TOX: variants seen among roughly 807,000 people sequenced by gnomAD.
TOX encodes thymocyte selection associated high mobility group box.
In TOX, 11 loss-of-function variants were observed where a neutral mutation model predicts 53.7. The observed-to-expected ratio is 0.20, with a 90% CI of 0.13 to 0.34. The LOEUF (loss-of-function observed/expected upper bound fraction) is 0.34. Ranked by LOEUF, TOX falls within the 10% of genes least tolerant of loss-of-function variation. The pLI, the probability that TOX is intolerant of heterozygous loss-of-function variation, is 1.00. For synonymous variants in TOX, 225 were observed against 245.3 expected, an observed-to-expected ratio of 0.92 and a Z score of 0.77; for missense variants, 570 against 664.6, an observed-to-expected ratio of 0.86 and a Z score of 1.56.
chr8:58,846,253 C>T, intron 4 of TOX, among the ~76,000 whole-genome samples: 1 of 151,914 alleles, frequency 6.6e-6, no homozygotes, highest in East Asian at 1.9e-4. Context: ...AAGGGTCATA[C>T]ATTAGTTTAA....
chr8:58,964,894 C>T (rs1202559415), intron 1 of TOX, among the ~76,000 whole-genome samples: 2 of 148,850 alleles, frequency 1.3e-5, no homozygotes, highest in African/African-American at 2.5e-5. Flanking sequence ...TGTGTGTGCA[C>T]CCTACAGACC....
chr8:58,939,781 A>G (rs1276298906), intron 2 of TOX, among the ~76,000 whole-genome samples: 2 of 152,246 alleles, frequency 1.3e-5, no homozygotes, highest in Non-Finnish European at 2.9e-5. Flanking sequence ...TTATTTTTCC[A>G]AAAAGCTGAA....
intron 1 of TOX, among the ~76,000 whole-genome samples, chr8:59,009,808 G>C (rs17301580): frequency 0.052 from 7,888 of 152,192 alleles, 265 homozygotes; most frequent in South Asian, 0.1. Context: ...TAAAAAGTTA[G>C]CAACTCCTAG....
At chr8:59,051,975 T>G (rs1803798471) in intron 1 of TOX, among the ~76,000 whole-genome samples, 1 of 152,222 alleles carries the variant, frequency 6.6e-6, no homozygotes. Flanking sequence ...TTTGACTCTC[T>G]ACTTTGTCTT....
chr8:58,995,669 A>G (rs1813547769), intron 1 of TOX, among the ~76,000 whole-genome samples: 1 of 152,244 alleles, frequency 6.6e-6, no homozygotes. Context: ...GGAAAAATAA[A>G]TGTGTTTATT....
chr8:58,926,591 T>C (rs1286164887), intron 3 of TOX, among the ~76,000 whole-genome samples: 2 of 152,180 alleles, frequency 1.3e-5, no homozygotes, highest in Non-Finnish European at 2.9e-5. Flanking sequence ...AGGTAAACAT[T>C]TCTAGCTAAT....
At chr8:58,828,947 T>G (rs1810408203) in intron 5 of TOX, among the ~76,000 whole-genome samples, 1 of 152,188 alleles carries the variant, frequency 6.6e-6, no homozygotes, top group Non-Finnish European at 1.5e-5. Context: ...CCTAAGCATT[T>G]CTATCATGCT....
chr8:58,914,542 C>A (rs768878615), intron 3 of TOX, among the ~76,000 whole-genome samples: 1 of 152,146 alleles, frequency 6.6e-6, no homozygotes, highest in Non-Finnish European at 1.5e-5. Flanking sequence ...ACTGTCACAG[C>A]TAGGGGGTGG....
chr8:59,112,361 G>A (rs185878943), intron 1 of TOX, among the ~76,000 whole-genome samples: 39 of 152,194 alleles, frequency 2.6e-4, no homozygotes, highest in Non-Finnish European at 4.7e-4. Context: ...ACATTTCTAA[G>A]CAGTTTATAA....
intron 1 of TOX, among the ~76,000 whole-genome samples, chr8:59,032,033 G>A (rs1434736184): frequency 6.6e-6 from 1 of 152,136 alleles, no homozygotes; most frequent in African/African-American, 2.4e-5. Context: ...GGATGGTAGG[G>A]GAGTAAGTGG....
At chr8:58,993,164 C>T (rs1179622476) in intron 1 of TOX, among the ~76,000 whole-genome samples, 6 of 152,018 alleles carry the variant, frequency 3.9e-5, no homozygotes, top group Middle Eastern at 3.2e-3. Context: ...ATGGACAGAA[C>T]AGTGAAGGGT....
chr8:58,976,722 A>G (rs1813107311), intron 1 of TOX, among the ~76,000 whole-genome samples: 1 of 152,222 alleles, frequency 6.6e-6, no homozygotes, highest in South Asian at 2.1e-4. Context: ...TCCTCGATCC[A>G]TGGGTTGCAG....
intron 3 of TOX, among the ~76,000 whole-genome samples, chr8:58,900,308 G>T (rs867698351): frequency 4.0e-5 from 6 of 151,828 alleles, no homozygotes; most frequent in Non-Finnish European, 8.8e-5. Context: ...TGTATGCCTG[G>T]CATTTATATA....
chr8:59,046,297 C>T (rs1803680654), intron 1 of TOX, among the ~76,000 whole-genome samples: 3 of 152,096 alleles, frequency 2.0e-5, no homozygotes, highest in African/African-American at 7.2e-5. Flanking sequence ...TTAATAATGG[C>T]ACTGCAGAAG....
intron 3 of TOX, among the ~76,000 whole-genome samples, chr8:58,868,026 CAT>C (rs1811132330): frequency 6.6e-6 from 1 of 152,092 alleles, no homozygotes; most frequent in Non-Finnish European, 1.5e-5. Flanking sequence ...ATAATCCCCA[CAT>C]GTCATGGGAG....
At chr8:58,818,984 G>A (rs188926051) in intron 6 of TOX, among the ~76,000 whole-genome samples, 14 of 152,214 alleles carry the variant, frequency 9.2e-5, no homozygotes, top group South Asian at 4.2e-4. Flanking sequence ...TTCTGGCTTC[G>A]CTTTTCATTA....
intron 3 of TOX, among the ~76,000 whole-genome samples, chr8:58,855,730 C>A (rs867713480): frequency 1.3e-5 from 2 of 152,224 alleles, no homozygotes; most frequent in African/African-American, 2.4e-5. Context: ...AACTGTTCAG[C>A]ATGACATGAA....
intron 1 of TOX, among the ~76,000 whole-genome samples, chr8:58,969,998 C>A (rs764894380): frequency 3.9e-5 from 6 of 152,180 alleles, no homozygotes; most frequent in Non-Finnish European, 8.8e-5. Flanking sequence ...CACAAACCAC[C>A]TAGTATGGTC....
intron 1 of TOX, among the ~76,000 whole-genome samples, chr8:58,997,255 G>A (rs1210934216): frequency 6.6e-6 from 1 of 151,728 alleles, no homozygotes; most frequent in Non-Finnish European, 1.5e-5. Context: ...AACAGGTGGG[G>A]GCTTACTGTG....
Sources: gnomAD v4.1 joint callset for allele counts (sites outside exome capture counted in the v4.1 genomes callset) on GRCh38, gnomAD v4.1.1 for gene constraint, MANE v1.5 for transcripts, NCBI Gene and HGNC (gene_info 2026-07-23, HGNC 2026-07-21) for gene names.